OSTF1: variants seen among roughly 807,000 people sequenced by gnomAD.
The protein encoded by OSTF1 is osteoclast-stimulating factor 1.
A neutral mutation model predicts 37.2 loss-of-function variants in OSTF1; 27 were observed. That is an observed-to-expected ratio of 0.73 (90% CI 0.54 to 1.00). OSTF1 has a LOEUF of 1.00. OSTF1 is among the 50% of genes least tolerant of loss of function. OSTF1 has a pLI of 0.00. For synonymous variants in OSTF1, 82 were observed against 89.2 expected (o/e 0.92, Z 0.46); for missense variants, 232 against 253.8 (o/e 0.91, Z 0.58).
intron 2 of OSTF1, among the ~76,000 whole-genome samples, chr9:75,125,924 T>G (rs1365465109): frequency 6.6e-6 from 1 of 152,178 alleles, no homozygotes; most frequent in Non-Finnish European, 1.5e-5. Context: ...TAAAAAAATT[T>G]TTTGAGACAG....
intron 8 of OSTF1, among the ~76,000 whole-genome samples, chr9:75,137,971 C>T (rs530975016): frequency 6.6e-6 from 1 of 152,288 alleles, no homozygotes; most frequent in South Asian, 2.1e-4. Flanking sequence ...GGTAAAGTTG[C>T]TGAGGCCCCT....
chr9:75,136,635 G>C (rs928163284), intron 7 of OSTF1, among the ~76,000 whole-genome samples: 1 of 152,086 alleles, frequency 6.6e-6, no homozygotes. Flanking sequence ...CAGGTGATCC[G>C]CTCTCCTCGG....
At chr9:75,142,405 G>T (rs1564171176) in intron 9 of OSTF1, among the ~76,000 whole-genome samples, 2 of 152,172 alleles carry the variant, frequency 1.3e-5, no homozygotes, top group South Asian at 2.1e-4. Flanking sequence ...CTCTGCCACT[G>T]ACTTCCTGTT....
intron 1 of OSTF1, among the ~76,000 whole-genome samples, chr9:75,098,936 A>G (rs975638919): frequency 2.0e-5 from 3 of 151,666 alleles, no homozygotes; most frequent in Non-Finnish European, 4.4e-5. Context: ...TTTCTTTTTT[A>G]TTTACTTATT....
At chr9:75,137,797 T>G (rs1825867313) in intron 8 of OSTF1, among the ~76,000 whole-genome samples, 181 bp downstream of exon 8, 1 of 152,230 alleles carries the variant, frequency 6.6e-6, no homozygotes, top group Non-Finnish European at 1.5e-5. Context: ...GGTTGGTTTG[T>G]GTTAGTTTTT....
At chr9:75,107,081 T>G (rs1376348544) in intron 1 of OSTF1, among the ~76,000 whole-genome samples, 6 of 150,356 alleles carry the variant, frequency 4.0e-5, no homozygotes, top group African/African-American at 1.2e-4. Flanking sequence ...CATTTATGGG[T>G]GTTGGAATCC....
intron 5 of OSTF1, 134 bp from the exon 6 acceptor site, chr9:75,133,160 G>A: frequency 1.7e-6 from 1 of 581,570 alleles, no homozygotes; most frequent in South Asian, 2.4e-5. Flanking sequence ...TGCATTAATG[G>A]GGAGGTCTTA....
chr9:75,101,262 A>G (rs1825188585), intron 1 of OSTF1, among the ~76,000 whole-genome samples: 1 of 152,190 alleles, frequency 6.6e-6, no homozygotes, highest in South Asian at 2.1e-4. Context: ...GTCAGGTCAG[A>G]CATTTCCAGG....
At chr9:75,105,786 A>C (rs1825273790) in intron 1 of OSTF1, among the ~76,000 whole-genome samples, 1 of 152,194 alleles carries the variant, frequency 6.6e-6, no homozygotes, top group Non-Finnish European at 1.5e-5. Context: ...CAGTGAAGAC[A>C]GTTGGCAAAG....
chr9:75,093,060 C>CTTTTTTTT lies in OSTF1; in HGVS notation c.34+4337_34+4338insTTTTTTTT, dbSNP rs1433476660. ...TTTCTTTCTCTCTCTCTCTTTCTTT[C>CTTTTTTTT]TTTCTTTTTTTTTTTTTGGAGATGG... On this transcript the variant is annotated intron_variant, in intron 1 of 9. Transcript: ENST00000346234. Among the ~76,000 whole-genome samples the CTTTTTTTT allele has an allele frequency of 1.8e-3, 244 of 134,916 alleles. 5 individuals carry two copies. The highest frequency in any genetic ancestry group is 7.3e-3 in the African/African-American group (236 of 32,226). The allele number at this position is 134,916 out of a possible 152,430, so 88.5% of individuals were successfully genotyped here.
intron 9 of OSTF1, among the ~76,000 whole-genome samples, chr9:75,143,903 T>C (rs186230233): frequency 1.3e-5 from 2 of 152,356 alleles, no homozygotes; most frequent in African/African-American, 4.8e-5. Context: ...ATTTATTTGC[T>C]GACTTGTGCC....
chr9:75,126,210 T>C (rs1464031433), intron 2 of OSTF1, among the ~76,000 whole-genome samples: 1 of 152,192 alleles, frequency 6.6e-6, no homozygotes, highest in Non-Finnish European at 1.5e-5. Flanking sequence ...CTACCACGCC[T>C]GGCTGGATGA....
intron 5 of OSTF1, among the ~76,000 whole-genome samples, chr9:75,132,390 C>T (rs115496283): frequency 0.026 from 3,940 of 152,232 alleles, 176 homozygotes; most frequent in African/African-American, 0.09. Context: ...CAGTAGTCCT[C>T]AGCTAGGGGT....
intron 1 of OSTF1, among the ~76,000 whole-genome samples, chr9:75,101,110 C>G (rs1258780686): frequency 6.6e-6 from 1 of 152,164 alleles, no homozygotes; most frequent in African/African-American, 2.4e-5. Context: ...TCCAGATCCT[C>G]CTGACTTCTG....
At chr9:75,088,991 C>T (rs899138025) in intron 1 of OSTF1, among the ~76,000 whole-genome samples, 1 of 152,164 alleles carries the variant, frequency 6.6e-6, no homozygotes, top group African/African-American at 2.4e-5. Context: ...TTGTCATTCG[C>T]TGAAACTTTC....
chr9:75,096,631 G>A (rs1271404491), intron 1 of OSTF1, among the ~76,000 whole-genome samples: 16 of 152,142 alleles, frequency 1.1e-4, no homozygotes, highest in Non-Finnish European at 2.4e-4. Context: ...TAGGATTCTC[G>A]GCTTCCCAGC....
At chr9:75,108,122 G>A (rs12341463) in intron 1 of OSTF1, among the ~76,000 whole-genome samples, 9,194 of 151,964 alleles carry the variant, frequency 0.061, 383 homozygotes, top group African/African-American at 0.11. Flanking sequence ...CTACTTAGGA[G>A]GCTGAGGCAG....
intron 1 of OSTF1, among the ~76,000 whole-genome samples, chr9:75,113,485 C>G (rs889268642): frequency 6.7e-6 from 1 of 149,256 alleles, no homozygotes; most frequent in East Asian, 2.0e-4. Context: ...GTCTTGCTCT[C>G]TCGCCCAAGC....
intron 8 of OSTF1, among the ~76,000 whole-genome samples, chr9:75,140,414 G>C (rs536334524): frequency 6.6e-6 from 1 of 152,186 alleles, no homozygotes. Flanking sequence ...TTGGTTTTAC[G>C]TGTTGCTATT....
Sources: allele counts gnomAD v4.1 joint callset (sites outside exome capture counted in the v4.1 genomes callset), GRCh38; gene constraint gnomAD v4.1.1; transcripts MANE v1.5; gene names NCBI Gene and HGNC (gene_info 2026-07-23, HGNC 2026-07-21).